Variants in CPA5 observed in about 807,000 individuals in gnomAD.
CPA5 encodes carboxypeptidase A5.
A neutral mutation model predicts 52.2 loss-of-function variants in CPA5; 38 were observed. That is an observed-to-expected ratio of 0.73 (90% confidence interval 0.56 to 0.95). The LOEUF (loss-of-function observed/expected upper bound fraction) is 0.95, where lower values mean the gene tolerates loss of function less well. Ranked by LOEUF, CPA5 falls within the 40% of genes least tolerant of loss-of-function variation. The pLI, the probability that CPA5 is intolerant of heterozygous loss-of-function variation, is 0.00. For synonymous variants in CPA5, 198 were observed against 213.7 expected, an observed-to-expected ratio of 0.93 and a Z score of 0.64; for missense variants, 519 against 566.7, an observed-to-expected ratio of 0.92 and a Z score of 0.86.
chr7:130,371,066 C>G (rs994005053), downstream of CPA5, among the ~76,000 whole-genome samples: 4 of 152,192 alleles, frequency 2.6e-5, no homozygotes, highest in Non-Finnish European at 5.9e-5. Context: ...CCACAGGCAT[C>G]ACATCACCTG....
At chr7:130,354,763 G>C (rs1286512957) in intron 5 of CPA5, among the ~76,000 whole-genome samples, 1 of 151,816 alleles carries the variant, frequency 6.6e-6, no homozygotes, top group Non-Finnish European at 1.5e-5. Flanking sequence ...ATATTGCCCA[G>C]GGTGGAGTAA....
chr7:130,347,523 G>A (rs1327098480), intron 3 of CPA5, among the ~76,000 whole-genome samples: 3 of 152,238 alleles, frequency 2.0e-5, no homozygotes, highest in African/African-American at 4.8e-5. Context: ...TTTAGCCCCC[G>A]GGGTGGTCTG....
downstream of CPA5, among the ~76,000 whole-genome samples, chr7:130,370,596 C>T (rs889243512): frequency 9.2e-5 from 14 of 152,184 alleles, no homozygotes; most frequent in South Asian, 6.2e-4. Context: ...AAGCAAGGTT[C>T]GGAGATGTTT....
downstream of CPA5, among the ~76,000 whole-genome samples, chr7:130,369,983 C>A (rs1266360436): frequency 6.6e-6 from 1 of 152,202 alleles, no homozygotes; most frequent in Admixed American, 6.5e-5. Flanking sequence ...GTCTAAGCAG[C>A]AAATGACTAA....
rs374923591 is a variant in CPA5 at position 130,368,503 on chromosome 7, T to G, written c.1217T>G (p.Phe406Cys). The change falls in exon 13 of 13, where the codon TTC becomes TGC. Residue 406 changes from phenylalanine to cysteine, a missense_variant. Coordinates refer to ENST00000474905, the MANE Select transcript of CPA5 (RefSeq NM_080385.5). ...CTCCGGGACACTGGGCAGTATGGCT[T>G]CCTGCTGCCGGCCACACAGATCATC... ...FELRDTGQYG[F>C]LLPATQIIPT... The G allele has an allele frequency of 4.5e-5, 73 of 1,613,998 alleles. No homozygotes were observed. Among genetic ancestry groups the G allele is most frequent in the Non-Finnish European group, 5.8e-5 (69 of 1,180,018 alleles).
intron 12 of CPA5, 61 bp downstream of exon 12, chr7:130,368,051 G>C: frequency 6.8e-7 from 1 of 1,469,026 alleles, no homozygotes; most frequent in Non-Finnish European, 9.5e-7. Flanking sequence ...TGGCTGCAGG[G>C]CAGTGCCAAG....
At chr7:130,362,358 A>G (rs6955110) in intron 7 of CPA5, 80 bp from the exon 8 acceptor site, 182,667 of 990,106 alleles carry the variant, frequency 0.18, 19,912 homozygotes, top group African/African-American at 0.43. Context: ...AGGATGCCTC[A>G]GGGACCTCCT....
chr7:130,358,408 T>C (rs1340373940), intron 5 of CPA5, among the ~76,000 whole-genome samples: 1 of 152,198 alleles, frequency 6.6e-6, no homozygotes, highest in East Asian at 1.9e-4. Flanking sequence ...ACTTGTTAGC[T>C]TTGCCATTAA....
chr7:130,347,815 C>T lies in CPA5; in HGVS notation c.166C>T (p.Leu56Phe), dbSNP rs781811551. Residue 56 changes from leucine to phenylalanine, a missense_variant, in exon 4 of 13, where the codon CTC becomes TTC. Coordinates refer to ENST00000474905, the MANE Select transcript of CPA5 (RefSeq NM_080385.5). ...CAAAGATGAGAAGCAGCTTTCACTT[C>T]TCGGGGATCTGGAGGGCCTGAAACC... is the stretch of plus-strand genomic sequence containing the variant. ...LAKDEKQLSL[L>F]GDLEGLKPQK... 3.1e-6 allele frequency: 5 copies of T among 1,614,124 alleles called. No individual in the cohort carries two copies. The highest frequency in any genetic ancestry group is 3.3e-5 in the Admixed American group (2 of 60,022).
downstream of CPA5, among the ~76,000 whole-genome samples, chr7:130,371,593 G>A (rs1159495145): frequency 2.0e-5 from 3 of 149,822 alleles, no homozygotes; most frequent in Admixed American, 1.3e-4. Context: ...TTTTTGAGAC[G>A]GAGTTTTGTT....
chr7:130,364,927 T>C (rs1795993063), intron 10 of CPA5, among the ~76,000 whole-genome samples: 1 of 152,208 alleles, frequency 6.6e-6, no homozygotes, highest in Non-Finnish European at 1.5e-5. Flanking sequence ...ATGACAGAGA[T>C]TCCAGAACAG....
chr7:130,346,499 CT>C lies in CPA5; in HGVS notation c.15del (p.Gly6GlufsTer30), dbSNP rs781856522. 1.1e-5 allele frequency: 17 copies of C among 1,613,092 alleles called. No homozygotes were observed. The Admixed American group carries it at 2.5e-4, about 24-fold the overall frequency. On this transcript the variant is annotated frameshift_variant, in exon 3 of 13. Coordinates refer to ENST00000474905, the MANE Select transcript of CPA5 (RefSeq NM_080385.5). LOFTEE classifies it high-confidence loss of function. ...GGAGGAAGAAGCATGCAGGGCACCC[CT>C]GGAGGCGGGACGCGCCCTGGGCCAT... MQGT[P>X]GGGTRPGPSP...
At chr7:130,350,189 G>A (rs1376233509) in intron 5 of CPA5, 80 bp downstream of exon 5, 9 of 1,453,674 alleles carry the variant, frequency 6.2e-6, no homozygotes, top group Non-Finnish European at 8.3e-6. Flanking sequence ...ATGTTCTCGG[G>A]GCTAAAAGTG....
chr7:130,370,035 T>C (rs1796278598), downstream of CPA5, among the ~76,000 whole-genome samples: 1 of 152,198 alleles, frequency 6.6e-6, no homozygotes, highest in Non-Finnish European at 1.5e-5. Context: ...GAGGCAGCCA[T>C]GGGGCTGGTG....
chr7:130,367,935 C>G lies in CPA5; in HGVS notation c.1068C>G (p.Ala356=). The G allele has an allele frequency of 6.2e-7, 1 of 1,614,212 alleles. No individual in the cohort carries two copies. Among genetic ancestry groups the G allele is most frequent in the South Asian group, 1.1e-5 (1 of 91,084 alleles). ...LYDLAKDAVE[A]LYKVHGIEYI... ...ATCTTGCCAAGGATGCGGTGGAGGC[C>G]TTGTATAAGGTCCATGGGATCGAGT... The change falls in exon 12 of 13, where the codon GCC becomes GCG. Residue 356 remains alanine, a synonymous_variant. Transcript: ENST00000474905.
In CPA5 at chr7:130,359,677, C is replaced by A. The variant is rs1554406095; in HGVS notation, c.422C>A (p.Thr141Asn). ...AGCTTCAGTTACTCATCATACCACA[C>A]CCTGGAGGAGGTAGGTCTGGCCGGG... ...TNSFSYSSYH[T>N]LEEIYSWIDN... The change falls in exon 6 of 13, where the codon ACC becomes AAC. Residue 141 changes from threonine to asparagine, a missense_variant. Transcript: ENST00000474905. 9 of 1,582,824 alleles carry A rather than the reference C, an allele frequency of 5.7e-6. No homozygotes were observed. The South Asian group carries it at 5.8e-5, about 10-fold the overall frequency.
intron 7 of CPA5, among the ~76,000 whole-genome samples, chr7:130,362,068 T>G (rs1423703333): frequency 6.6e-6 from 1 of 152,156 alleles, no homozygotes; most frequent in African/African-American, 2.4e-5. Context: ...GGGAGCTTAT[T>G]AGAAATGCCA....
Position 130,367,539 on chromosome 7 carries a change from T to C in CPA5, c.1006T>C (p.Leu336=). The change falls in exon 11 of 13, where the codon TTG becomes CTG. Residue 336 remains leucine (L), a synonymous_variant. Coordinates refer to ENST00000474905, the MANE Select transcript of CPA5 (RefSeq NM_080385.5). ...GATGCTTATGTACCCTTACGGCCGA[T>C]TGCTGGAGCCCGTTTCAAATCAGAG... ...SQMLMYPYGR[L]LEPVSNQREL... 1.2e-6 allele frequency: 2 copies of C among 1,608,620 alleles called. No homozygotes were observed. The highest frequency in any genetic ancestry group is 1.1e-5 in the South Asian group (1 of 90,988).
rs552978517 is a variant in CPA5, at chr7:130,362,228, TG to T, written c.535-209del. Among the ~76,000 whole-genome samples the T allele has an allele frequency of 3.9e-3, 597 of 152,316 alleles. 3 individuals are homozygous for T. The highest frequency in any genetic ancestry group is 6.6e-3 in the Non-Finnish European group (450 of 68,028). On this transcript the variant is annotated intron_variant, in intron 7 of 12. Transcript: ENST00000474905. ...TTCTGTGCTTCTGGATGGATCACTT[TG>T]CTCGCCAATGGCACCACCATATTTT...
Sources: gnomAD v4.1 joint callset for allele counts (sites outside exome capture counted in the v4.1 genomes callset) on GRCh38, gnomAD v4.1.1 for gene constraint, MANE v1.5 for transcripts, NCBI Gene and HGNC (gene_info 2026-07-23, HGNC 2026-07-21) for gene names.